Variants in THBS4 observed in about 807,000 individuals in gnomAD.
The protein encoded by THBS4 is thrombospondin 4, also known as thrombospondin-4.
In THBS4, 90 loss-of-function variants were observed where a neutral mutation model predicts 115.7. That is an observed-to-expected ratio of 0.78 (90% CI 0.66 to 0.93). The LOEUF (loss-of-function observed/expected upper bound fraction) is 0.93, where lower values mean the gene tolerates loss of function less well. Ranked by LOEUF, THBS4 falls within the 40% of genes least tolerant of loss-of-function variation. THBS4 has a pLI of 0.00. For synonymous variants in THBS4, 460 were observed against 479.3 expected, an observed-to-expected ratio of 0.96 and a Z score of 0.53; for missense variants, 1,087 against 1,232.7, an observed-to-expected ratio of 0.88 and a Z score of 1.77.
intron 21 of THBS4, 110 bp downstream of exon 21, chr5:80,082,655 T>TAGTC (rs1743580209): frequency 7.4e-7 from 1 of 1,349,758 alleles, no homozygotes; most frequent in South Asian, 1.3e-5. Context: ...TCATACCACA[T>TAGTC]AGTCATTAAA....
At chr5:79,998,124 T>G (rs1451239258) in intron 1 of THBS4, among the ~76,000 whole-genome samples, 4 of 152,160 alleles carry the variant, frequency 2.6e-5, no homozygotes, top group Admixed American at 2.6e-4. Context: ...AATCCAGTGA[T>G]TGGTAACTGA....
At chr5:79,998,079 A>G (rs1580898457) in intron 1 of THBS4, among the ~76,000 whole-genome samples, 1 of 152,180 alleles carries the variant, frequency 6.6e-6, no homozygotes, top group South Asian at 2.1e-4. Context: ...ACAACAAGAA[A>G]ACAACCCAAT....
chr5:80,043,446 C>T (rs143338560), intron 2 of THBS4, among the ~76,000 whole-genome samples: 454 of 152,340 alleles, frequency 3.0e-3, no homozygotes, highest in Non-Finnish European at 4.7e-3. Context: ...AGGCTCCAGA[C>T]AGCATTCATC....
chr5:80,077,923 G>A (rs1743294126), intron 16 of THBS4, 126 bp from the exon 17 acceptor site: 2 of 822,848 alleles, frequency 2.4e-6, no homozygotes, highest in South Asian at 5.5e-5. Context: ...CAACACTGAT[G>A]GGAAATCATG....
At chr5:80,079,347 T>C in intron 19 of THBS4, 89 bp downstream of exon 19, 1 of 1,387,816 alleles carries the variant, frequency 7.2e-7, no homozygotes, top group Non-Finnish European at 9.6e-7. Context: ...GGTACTTAGT[T>C]AATCTAAAAA....
At chr5:80,006,963 A>G (rs944370842) in intron 2 of THBS4, among the ~76,000 whole-genome samples, 7 of 152,224 alleles carry the variant, frequency 4.6e-5, no homozygotes, top group African/African-American at 1.4e-4. Context: ...TTGAGCACCA[A>G]CTATGTGCCA....
At chr5:80,040,386 C>T in intron 2 of THBS4, 106 bp downstream of exon 2, 1 of 912,826 alleles carries the variant, frequency 1.1e-6, no homozygotes. Flanking sequence ...TATATTCTCA[C>T]TCACTAGTCA....
intron 1 of THBS4, among the ~76,000 whole-genome samples, chr5:79,996,415 T>C (rs1831795963): frequency 6.6e-6 from 1 of 152,102 alleles, no homozygotes; most frequent in African/African-American, 2.4e-5. Context: ...TATTTGGAAA[T>C]CCGGATTTTA....
rs758566581 is a variant in THBS4, at chr5:80,065,465, C to T, written c.1182C>T (p.Cys394=). Residue 394 remains cysteine (C), a synonymous_variant, in exon 9 of 22, where the codon TGC becomes TGT. Transcript: ENST00000350881. ...GAGCGTGCGTTCCCAACTCGATCTGCGTTAATACTTTGGTAAGTATTTCTC... is the reference window on the plus strand; with the variant it reads ...GAGCGTGCGTTCCCAACTCGATCTGTGTTAATACTTTGGTAAGTATTTCTC... The part of the protein sequence containing the change: ...RNGACVPNSI[C]VNTLGSYRCG... 7 of 1,613,104 alleles carry T rather than the reference C, an allele frequency of 4.3e-6. No homozygotes were observed. The highest frequency in any genetic ancestry group is 1.7e-4 in the Middle Eastern group (1 of 6,056).
In THBS4 at chr5:80,080,047, T is replaced by C. The variant is rs762980797; in HGVS notation, c.2654T>C (p.Leu885Pro). 1 of 1,614,104 alleles carries C rather than the reference T, an allele frequency of 6.2e-7. No homozygotes were observed. The highest frequency in any genetic ancestry group is 1.1e-5 in the South Asian group (1 of 91,068). ...GACAAGGTGTCCTACCGCTGGTTCC[T>C]ACAGCACAGGCCCCAGGTGGGCTAC... Reference protein sequence around the residue: ...WKDKVSYRWFLQHRPQVGYIR... With the variant: ...WKDKVSYRWFPQHRPQVGYIR... Residue 885 changes from leucine to proline, a missense_variant, in exon 20 of 22, where the codon CTA becomes CCA. Coordinates refer to ENST00000350881, the MANE Select transcript of THBS4 (RefSeq NM_003248.6).
chr5:80,043,099 A>T (rs1030669463), intron 2 of THBS4, among the ~76,000 whole-genome samples: 8 of 152,236 alleles, frequency 5.3e-5, no homozygotes, highest in African/African-American at 1.9e-4. Flanking sequence ...GGGCAGAAGG[A>T]GTCCTGGAAG....
In THBS4 at chr5:80,070,507, G is replaced by T. The variant is rs536559151; in HGVS notation, c.1452+97G>T. 3.9e-5 allele frequency: 56 copies of T among 1,427,848 alleles called. No individual in the cohort carries two copies. The African/African-American group carries it at 6.5e-4, about 16-fold the overall frequency. The allele number at this position is 1,427,848 out of a possible 1,614,324, so 88.4% of individuals were successfully genotyped here. On this transcript the variant is annotated intron_variant, in intron 11 of 21. Coordinates refer to ENST00000350881, the MANE Select transcript of THBS4 (RefSeq NM_003248.6). Reference sequence around the variant, plus strand: ...GGTTCTGTGGATCTAATTTAAAATTGTACTTGTAAAGTAGCTGCATCTCAG... The same window carrying T: ...GGTTCTGTGGATCTAATTTAAAATTTTACTTGTAAAGTAGCTGCATCTCAG...
Position 80,059,771 on chromosome 5 carries a change from C to T in THBS4, c.853C>T (p.Arg285Cys), listed in dbSNP as rs138755222. Reference sequence around the variant, plus strand: ...CCCGGCTCCCCCTGCACCGCCAACACGCCCACCTCGTCGGTGTGACTCCAA... The same window carrying T: ...CCCGGCTCCCCCTGCACCGCCAACATGCCCACCTCGTCGGTGTGACTCCAA... ...VPPAPPAPPTRPPRRCDSNPC... is the reference protein window; with the variant it reads ...VPPAPPAPPTCPPRRCDSNPC... The change falls in exon 7 of 22, where the codon CGC (arginine) becomes TGC (cysteine). Residue 285 changes from arginine (R) to cysteine (C), a missense_variant. Physicochemically the swap from Arg to Cys is radical, Grantham distance 180. Around this residue, in one of 3 missense-constraint regions of THBS4, gnomAD observed 979 missense variants for 1,103.7 expected, o/e 0.89. Coordinates refer to ENST00000350881, the MANE Select transcript of THBS4 (RefSeq NM_003248.6). The T allele has an allele frequency of 6.3e-5, 102 of 1,614,058 alleles. No homozygotes were observed. Among genetic ancestry groups the T allele is most frequent in the Non-Finnish European group, 6.9e-5 (82 of 1,180,034 alleles).
intron 20 of THBS4, 149 bp from the exon 21 acceptor site, chr5:80,082,257 A>C (rs1359632369): frequency 2.0e-6 from 2 of 1,019,518 alleles, no homozygotes; most frequent in Non-Finnish European, 2.9e-6. Context: ...CAACAGCTAC[A>C]GTACAATCCA....
intron 21 of THBS4, among the ~76,000 whole-genome samples, chr5:80,082,866 C>T (rs1450261549): frequency 6.6e-6 from 1 of 152,224 alleles, no homozygotes; most frequent in Non-Finnish European, 1.5e-5. Flanking sequence ...TCCATTCTGC[C>T]TGCTGATTTT....
rs552075794 is a variant in THBS4, at chr5:80,071,117, G to C, written c.1657G>C (p.Asp553His). The C allele has an allele frequency of 3.1e-6, 5 of 1,609,564 alleles. No homozygotes were observed. Among genetic ancestry groups the C allele is most frequent in the Non-Finnish European group, 2.5e-6 (3 of 1,178,982 alleles). ...CDNCLSVLNN[D>H]QKDTDGDGRG... ...TAACTGCCTGAGTGTCTTAAATAAC[G>C]ACCAGAAAGACACCGATGGGGATGG... The change falls in exon 13 of 22, where the codon GAC becomes CAC. Residue 553 changes from aspartate (D) to histidine (H), a missense_variant. Coordinates refer to ENST00000350881, the MANE Select transcript of THBS4 (RefSeq NM_003248.6).
intron 2 of THBS4, among the ~76,000 whole-genome samples, chr5:80,007,377 G>A (rs762803078): frequency 6.6e-6 from 1 of 152,102 alleles, no homozygotes; most frequent in Non-Finnish European, 1.5e-5. Flanking sequence ...TGTGGTCTGC[G>A]GGCCTTCAAA....
Position 80,073,340 on chromosome 5 carries a change from TC to T in THBS4, c.1892+16del. The stretch of plus-strand genomic sequence containing the variant: ...CCAATCAGGACAGGTATGGCATGTC[TC>T]CCAACTGCAGAGAGACAGATGCAAA... On this transcript the variant is annotated intron_variant, in intron 15 of 21. Transcript: ENST00000350881. 6.2e-7 allele frequency: 1 copy of T among 1,613,028 alleles called. No individual in the cohort carries two copies. The highest frequency in any genetic ancestry group is 8.5e-7 in the Non-Finnish European group (1 of 1,179,438).
upstream of THBS4, among the ~76,000 whole-genome samples, chr5:80,033,993 T>A (rs868818152): frequency 1.3e-5 from 2 of 152,218 alleles, no homozygotes; most frequent in Non-Finnish European, 2.9e-5. Flanking sequence ...AAGGCAAGGC[T>A]GTTCTGCTTG....
Sources: gnomAD v4.1 joint callset for allele counts (sites outside exome capture counted in the v4.1 genomes callset) on GRCh38, gnomAD v4.1.1 for gene constraint, gnomAD v4.1.1 regional missense constraint, MANE v1.5 for transcripts, NCBI Gene and HGNC (gene_info 2026-07-23, HGNC 2026-07-21) for gene names.